RC3H1: variants seen among roughly 807,000 people sequenced by gnomAD.
The protein encoded by RC3H1 is roquin-1.
Under a neutral mutation model 138.2 loss-of-function variants are expected in RC3H1, and 50 were observed. The ratio of observed to expected loss-of-function variants is 0.36; its 90% CI spans 0.29 to 0.46. RC3H1 has a LOEUF of 0.46. RC3H1 is among the 20% of genes least tolerant of loss of function. The pLI, the probability that RC3H1 is intolerant of heterozygous loss-of-function variation, is 1.00. For synonymous variants in RC3H1, 462 were observed against 489.1 expected (o/e 0.94, Z 0.73); for missense variants, 1,031 against 1,388.1 (o/e 0.74, Z 4.09).
intron 9 of RC3H1, among the ~76,000 whole-genome samples, chr1:173,967,530 G>T (rs1206022250): frequency 2.0e-5 from 3 of 152,154 alleles, no homozygotes; most frequent in Non-Finnish European, 4.4e-5. Flanking sequence ...TGTTAATTTG[G>T]TAGTCCAAAA....
At chr1:173,946,650 A>G in intron 16 of RC3H1, 42 bp from the exon 17 acceptor site, 1 of 1,608,628 alleles carries the variant, frequency 6.2e-7, no homozygotes, top group Non-Finnish European at 8.5e-7. Flanking sequence ...TTAACATTTC[A>G]TTTTGTTAAC....
rs1658375587 is a variant in RC3H1 at position 173,931,486 on chromosome 1, T to C, written c.*7235A>G. On this transcript the variant is annotated 3_prime_UTR_variant, in exon 20 of 20. Coordinates refer to ENST00000367696, the MANE Select transcript of RC3H1 (RefSeq NM_172071.4). ...ACAAATAATACAAAATTGAGAAAGATGGCCCTAGTACTCTCAAAAATCGGC... is the reference window on the plus strand; with the variant it reads ...ACAAATAATACAAAATTGAGAAAGACGGCCCTAGTACTCTCAAAAATCGGC... The C allele has an allele frequency of 1.3e-5, 2 of 152,302 alleles. No homozygotes were observed. Among genetic ancestry groups the C allele is most frequent in the African/African-American group, 4.8e-5 (2 of 41,564 alleles). The allele number at this position is 152,302 out of a possible 1,614,324, so 9.4% of individuals were successfully genotyped here.
chr1:173,953,812 G>C (rs1420663964), intron 13 of RC3H1, among the ~76,000 whole-genome samples: 1 of 152,022 alleles, frequency 6.6e-6, no homozygotes, highest in African/African-American at 2.4e-5. Flanking sequence ...GTCGAGGCGG[G>C]CAGACCACCT....
Position 173,993,039 on chromosome 1 carries a change from A to T in RC3H1, c.-54T>A, listed in dbSNP as rs1013800761. The T allele has an allele frequency of 6.9e-6, 9 of 1,300,348 alleles. No homozygotes were observed. Among genetic ancestry groups the T allele is most frequent in the Non-Finnish European group, 8.8e-6 (8 of 904,614 alleles). 80.6% of individuals were successfully genotyped at this position (1,300,348 alleles called of 1,614,324 possible). ...AAACACACACACAAATCTAAAGCAA[A>T]GATTCCACTGGAATCAAAATCTTTG... On this transcript the variant is annotated 5_prime_UTR_variant, in exon 2 of 20. Transcript: ENST00000367696.
chr1:173,991,731 T>G (rs552907345), intron 2 of RC3H1, among the ~76,000 whole-genome samples: 1 of 152,352 alleles, frequency 6.6e-6, no homozygotes, highest in African/African-American at 2.4e-5. Context: ...GTGTGCAATT[T>G]TGCAACTTTT....
chr1:173,981,650 T>C (rs1481090692), intron 5 of RC3H1, among the ~76,000 whole-genome samples: 2 of 152,246 alleles, frequency 1.3e-5, no homozygotes, highest in African/African-American at 2.4e-5. Flanking sequence ...CTGATGACTG[T>C]AGAGCTTCAG....
rs1660413128 is a variant in RC3H1, at chr1:173,972,624, G to A, written c.1106C>T (p.Ala369Val). ...CAGCTGTTCCCAAGTAGGAGGAGGA[G>A]CATCTATACAACCAATGATAATGTT... ...LLANIDPSPDAPPPTWEQLEN... is the reference protein window; with the variant it reads ...LLANIDPSPDVPPPTWEQLEN... Residue 369 changes from alanine (A) to valine (V), a missense_variant, in exon 8 of 20, where the codon GCT becomes GTT. By Grantham distance (64) the Ala-to-Val change is moderately conservative. This residue lies in a region of RC3H1 where 142 missense variants were observed against 224.6 expected (regional missense o/e 0.63). Transcript: ENST00000367696. The A allele has an allele frequency of 6.9e-6, 11 of 1,596,728 alleles. No homozygotes were observed. The highest frequency in any genetic ancestry group is 9.4e-6 in the Non-Finnish European group (11 of 1,164,204).
chr1:173,985,890 A>G (rs575394852), intron 2 of RC3H1, among the ~76,000 whole-genome samples: 3 of 152,306 alleles, frequency 2.0e-5, no homozygotes, highest in African/African-American at 4.8e-5. Flanking sequence ...TCTTCTCTGG[A>G]AGAATATCTA....
intron 6 of RC3H1, among the ~76,000 whole-genome samples, chr1:173,979,598 G>A (rs1381848651): frequency 6.6e-6 from 1 of 152,178 alleles, no homozygotes; most frequent in Non-Finnish European, 1.5e-5. Flanking sequence ...AGAGATTGCA[G>A]TGAGCCGAGA....
intron 1 of RC3H1, among the ~76,000 whole-genome samples, chr1:173,995,186 T>C (rs190419434): frequency 6.6e-6 from 1 of 152,274 alleles, no homozygotes; most frequent in African/African-American, 2.4e-5. Flanking sequence ...ATGTGTGGTA[T>C]AGATTCTAGG....
At chr1:173,965,232 T>G in intron 9 of RC3H1, 112 bp from the exon 10 acceptor site, 1 of 941,282 alleles carries the variant, frequency 1.1e-6, no homozygotes. Flanking sequence ...ACATTAACTC[T>G]ATCAGTGTGT....
At position 173,932,437 on chromosome 1, in the gene RC3H1, G is replaced by C. The variant is rs1473229799; in HGVS notation, c.*6284C>G. Reference sequence around the variant, plus strand: ...AATGTTTAAGTGGGTGAAAGGTTTTGTTCATTACCTTAATTCACTTTTTCC... The same window carrying C: ...AATGTTTAAGTGGGTGAAAGGTTTTCTTCATTACCTTAATTCACTTTTTCC... On this transcript the variant is annotated 3_prime_UTR_variant, in exon 20 of 20. Transcript: ENST00000367696. The C allele has an allele frequency of 6.6e-6, 1 of 151,926 alleles. No individual in the cohort carries two copies. Among genetic ancestry groups the C allele is most frequent in the Non-Finnish European group, 1.5e-5 (1 of 67,930 alleles). 9.4% of individuals were successfully genotyped at this position (151,926 alleles called of 1,614,324 possible).
At chr1:173,991,212 A>C (rs1043388173) in intron 2 of RC3H1, among the ~76,000 whole-genome samples, 3 of 152,210 alleles carry the variant, frequency 2.0e-5, no homozygotes, top group African/African-American at 7.2e-5. Flanking sequence ...CCTGGGTGAC[A>C]GAGCAAGAAA....
intron 8 of RC3H1, 52 bp from the exon 9 acceptor site, chr1:173,970,669 A>G (rs1205468199): frequency 5.1e-6 from 6 of 1,171,010 alleles, no homozygotes; most frequent in African/African-American, 3.1e-5. Flanking sequence ...ACAAAAAAAC[A>G]TAAATTTTGT....
chr1:173,979,776 G>A (rs183615566), intron 6 of RC3H1, among the ~76,000 whole-genome samples: 77 of 152,338 alleles, frequency 5.1e-4, no homozygotes, highest in Admixed American at 1.4e-3. Flanking sequence ...CAAAACTTCC[G>A]ATACAAGCTC....
intron 2 of RC3H1, among the ~76,000 whole-genome samples, chr1:173,985,762 G>A (rs1324416451): frequency 6.6e-6 from 1 of 151,978 alleles, no homozygotes; most frequent in Non-Finnish European, 1.5e-5. Context: ...TGTATTCTTT[G>A]ATAATTATCT....
In RC3H1 at chr1:173,961,837, G is replaced by T; in HGVS notation, c.2090C>A (p.Pro697Gln). Residue 697 changes from proline (P) to glutamine (Q), a missense_variant, in exon 12 of 20, where the codon CCA becomes CAA. By Grantham distance (76) the Pro-to-Gln change is moderately conservative (BLOSUM62 -1). This residue lies in a region of RC3H1 where 716 missense variants were observed against 837.9 expected (regional missense o/e 0.85). Coordinates refer to ENST00000367696, the MANE Select transcript of RC3H1 (RefSeq NM_172071.4). Reference sequence around the variant, plus strand: ...TACATACGATGGTACTGCTGCAGGTGGAATCTCAATGGGTATAGGGCTTTC... The same window carrying T: ...TACATACGATGGTACTGCTGCAGGTTGAATCTCAATGGGTATAGGGCTTTC... Reference protein sequence around the residue: ...FRESPIPIEIPPAAVPSYVPE... With the variant: ...FRESPIPIEIQPAAVPSYVPE... The T allele has an allele frequency of 6.2e-7, 1 of 1,614,014 alleles. No individual in the cohort carries two copies. The highest frequency in any genetic ancestry group is 1.1e-5 in the South Asian group (1 of 91,078).
chr1:173,999,392 AG>A (rs112562637), intron 1 of RC3H1, among the ~76,000 whole-genome samples: 47,317 of 144,058 alleles, frequency 0.33, 9,889 homozygotes, highest in African/African-American at 0.61. Flanking sequence ...AAAAAAAAAA[AG>A]AGAGAGAGAG....
chr1:173,973,953 A>G (rs943957914), intron 7 of RC3H1, among the ~76,000 whole-genome samples: 16 of 152,328 alleles, frequency 1.1e-4, no homozygotes, highest in African/African-American at 3.8e-4. Context: ...AATAACCAAG[A>G]CAAATAAGCA....
Sources: allele counts gnomAD v4.1 joint callset (sites outside exome capture counted in the v4.1 genomes callset), GRCh38; gene constraint gnomAD v4.1.1; regional missense constraint gnomAD v4.1.1; transcripts MANE v1.5; gene names NCBI Gene and HGNC (gene_info 2026-07-23, HGNC 2026-07-21).